TRAM2: variants seen among roughly 807,000 people sequenced by gnomAD.
TRAM2 encodes translocating chain-associated membrane protein 2.
Under a neutral mutation model 51.0 loss-of-function variants are expected in TRAM2, and 12 were observed. The observed-to-expected ratio is 0.24, with a 90% CI of 0.15 to 0.38. The LOEUF is 0.38. Ranked by LOEUF, TRAM2 falls within the 10% of genes least tolerant of loss-of-function variation. TRAM2 has a pLI of 1.00. For missense variants in TRAM2, 361 were observed against 462.0 expected (o/e 0.78, Z 2.00); for synonymous variants, 175 against 179.4 (o/e 0.98, Z 0.20).
intron 4 of TRAM2, 64 bp downstream of exon 4, chr6:52,515,942 C>T: frequency 7.1e-7 from 1 of 1,399,118 alleles, no homozygotes; most frequent in Non-Finnish European, 1.0e-6. Flanking sequence ...GATTAGCAAT[C>T]CCAGAGCTGG....
rs573104756 is a variant in TRAM2 at position 52,577,040 on chromosome 6, C to A, written c.-125G>T. 1.1e-4 allele frequency: 131 copies of A among 1,164,876 alleles called. No individual in the cohort carries two copies. The East Asian group carries it at 2.9e-3, about 26-fold the overall frequency. The allele number at this position is 1,164,876 out of a possible 1,614,324, so 72.2% of individuals were successfully genotyped here. Reference sequence around the variant, plus strand: ...GCCCGCTCTCCCACAGCCGCTCGCCCGCCCAGCGCGGAACAACTTCGGGGC... The same window carrying A: ...GCCCGCTCTCCCACAGCCGCTCGCCAGCCCAGCGCGGAACAACTTCGGGGC... On this transcript the variant is annotated 5_prime_UTR_variant, in exon 1 of 11. Coordinates refer to ENST00000182527, the MANE Select transcript of TRAM2 (RefSeq NM_012288.4).
rs1463325053 is a variant in TRAM2 at position 52,497,907 on chromosome 6, C to T, written c.*5290G>A. 1.3e-5 allele frequency: 2 copies of T among 152,254 alleles called. No individual in the cohort carries two copies. The highest frequency in any genetic ancestry group is 2.9e-5 in the Non-Finnish European group (2 of 68,066). 9.4% of individuals were successfully genotyped at this position (152,254 alleles called of 1,614,324 possible). On this transcript the variant is annotated 3_prime_UTR_variant, in exon 11 of 11. Transcript: ENST00000182527. The stretch of plus-strand genomic sequence containing the variant: ...GGCTGTTGCTTCGCAAAATATCCTT[C>T]CTCTCCACGTGAACAAGTAGCTCTA...
chr6:52,567,495 A>G (rs1767607957), intron 1 of TRAM2, among the ~76,000 whole-genome samples: 2 of 152,242 alleles, frequency 1.3e-5, no homozygotes, highest in African/African-American at 2.4e-5. Context: ...TTGAATGTAG[A>G]TATTTCCCAG....
intron 1 of TRAM2, among the ~76,000 whole-genome samples, chr6:52,572,211 G>C (rs1367093228): frequency 2.0e-5 from 3 of 152,190 alleles, no homozygotes; most frequent in African/African-American, 7.2e-5. Flanking sequence ...AACTTCTCTA[G>C]AACACCATGG....
intron 1 of TRAM2, among the ~76,000 whole-genome samples, chr6:52,537,883 C>A (rs1428938054): frequency 6.6e-6 from 1 of 152,220 alleles, no homozygotes; most frequent in Non-Finnish European, 1.5e-5. Context: ...GAGCTGCCCC[C>A]AGTGCCATCA....
At chr6:52,515,548 T>A (rs974675481) in intron 4 of TRAM2, among the ~76,000 whole-genome samples, 1 of 152,324 alleles carries the variant, frequency 6.6e-6, no homozygotes, top group East Asian at 1.9e-4. Context: ...GAACTCTATC[T>A]CCAAGTCCAA....
chr6:52,519,464 AAAAC>A (rs1581874155), intron 2 of TRAM2, among the ~76,000 whole-genome samples: 1 of 152,260 alleles, frequency 6.6e-6, no homozygotes, highest in Non-Finnish European at 1.5e-5. Flanking sequence ...CAATGAGGAA[AAAAC>A]AAACAAGCAA....
chr6:52,514,259 T>G (rs1322194748), intron 4 of TRAM2, among the ~76,000 whole-genome samples: 1 of 152,130 alleles, frequency 6.6e-6, no homozygotes, highest in African/African-American at 2.4e-5. Context: ...AAAATATTAT[T>G]TTTTTAAAAA....
intron 2 of TRAM2, among the ~76,000 whole-genome samples, chr6:52,520,028 G>A (rs1248081154): frequency 3.9e-5 from 6 of 152,184 alleles, no homozygotes; most frequent in African/African-American, 9.7e-5. Flanking sequence ...TAATGGGTAC[G>A]GGGTTTGTTT....
chr6:52,531,444 A>C (rs568304602), intron 2 of TRAM2, among the ~76,000 whole-genome samples: 129 of 152,362 alleles, frequency 8.5e-4, no homozygotes, highest in African/African-American at 3.0e-3. Context: ...TCTCTTGCTA[A>C]AGTAACTGAA....
intron 3 of TRAM2, 61 bp from the exon 4 acceptor site, chr6:52,516,183 C>G: frequency 6.8e-7 from 1 of 1,469,368 alleles, no homozygotes; most frequent in African/African-American, 1.4e-5. Context: ...GGGCAGGTTT[C>G]AAACTCTTGT....
intron 1 of TRAM2, 62 bp downstream of exon 1, chr6:52,576,734 G>T (rs1020996203): frequency 1.1e-5 from 18 of 1,580,588 alleles, no homozygotes; most frequent in Non-Finnish European, 1.5e-5. Context: ...CTGCAGGGGT[G>T]TGCCGGGCGG....
chr6:52,514,322 C>G (rs868217891), intron 4 of TRAM2, among the ~76,000 whole-genome samples: 5 of 152,316 alleles, frequency 3.3e-5, no homozygotes, highest in Middle Eastern at 3.4e-3. Flanking sequence ...TCTTCAATCA[C>G]TTTCCTTCCA....
intron 1 of TRAM2, among the ~76,000 whole-genome samples, chr6:52,567,954 TCTC>T (rs1447130511): frequency 1.3e-5 from 2 of 152,188 alleles, no homozygotes; most frequent in East Asian, 1.9e-4. Context: ...CCTCTCTCCT[TCTC>T]CTCCCAATTT....
intron 1 of TRAM2, among the ~76,000 whole-genome samples, chr6:52,561,853 C>T (rs147213389): frequency 0.013 from 1,981 of 152,258 alleles, 21 homozygotes; most frequent in Middle Eastern, 0.034. Context: ...GGCAATCCAC[C>T]CGCCTTGGCC....
At chr6:52,504,902 A>G (rs766250794) in intron 9 of TRAM2, 148 bp from the exon 10 acceptor site, 10 of 659,548 alleles carry the variant, frequency 1.5e-5, no homozygotes, top group Non-Finnish European at 2.6e-5. Context: ...CGATACCACC[A>G]CTATCACCAG....
chr6:52,517,237 T>A (rs1230660280), intron 2 of TRAM2: 5 of 153,338 alleles, frequency 3.3e-5, no homozygotes, highest in Admixed American at 1.3e-4. Context: ...GACCCAGGGG[T>A]ATCTCCATGT....
chr6:52,576,965 C>T lies in TRAM2; in HGVS notation c.-50G>A, dbSNP rs201632397. 1,273 of 1,545,224 alleles carry T rather than the reference C, an allele frequency of 8.2e-4. 20 individuals carry two copies. In the East Asian group the frequency reaches 0.029, roughly 35 times the overall value. ...GGGGCCCGCACCCTGCGCTCACGAA[C>T]CGCAGCGCAAACTTCTCCAGCACCG... On this transcript the variant is annotated 5_prime_UTR_variant, in exon 1 of 11. Coordinates refer to ENST00000182527, the MANE Select transcript of TRAM2 (RefSeq NM_012288.4).
rs762034798 is a variant in TRAM2, at chr6:52,509,562, T to C, written c.436A>G (p.Ser146Gly). Residue 146 changes from serine (S) to glycine (G), a missense_variant, in exon 5 of 11, where the codon AGC becomes GGC. By Grantham distance (56) the Ser-to-Gly change is moderately conservative. Coordinates refer to ENST00000182527, the MANE Select transcript of TRAM2 (RefSeq NM_012288.4). ...ACATGCGGGTAGTCTTCCCAGAGGCTTCTTGGGTTTGTTAAGTATCCTTCC... is the reference window on the plus strand; with the variant it reads ...ACATGCGGGTAGTCTTCCCAGAGGCCTCTTGGGTTTGTTAAGTATCCTTCC... ...VTEGYLTNPR[S>G]LWEDYPHVHL... 1.2e-6 allele frequency: 2 copies of C among 1,614,040 alleles called. No homozygotes were observed. Among genetic ancestry groups the C allele is most frequent in the South Asian group, 2.2e-5 (2 of 91,066 alleles).
Sources: gnomAD v4.1 joint callset for allele counts (sites outside exome capture counted in the v4.1 genomes callset) on GRCh38, gnomAD v4.1.1 for gene constraint, MANE v1.5 for transcripts, NCBI Gene and HGNC (gene_info 2026-07-23, HGNC 2026-07-21) for gene names.